The following ZNF91 variants were observed in gnomAD, a reference collection of about 807,000 sequenced individuals.
ZNF91 encodes zinc finger protein 91 (HPF7, HTF10).
A neutral mutation model predicts 12.6 loss-of-function variants in ZNF91; 7 were observed. That is an observed-to-expected ratio of 0.55 (90% confidence interval 0.31 to 1.04). ZNF91 has a LOEUF of 1.04. Among genes scored for constraint, ZNF91 ranks in the 50% least tolerant of loss-of-function variants. The pLI, the probability that ZNF91 is intolerant of heterozygous loss-of-function variation, is 0.05. For synonymous variants in ZNF91, 453 were observed against 462.6 expected, an observed-to-expected ratio of 0.98 and a Z score of 0.27; for missense variants, 1,217 against 1,385.4, an observed-to-expected ratio of 0.88 and a Z score of 1.93.
downstream of ZNF91, among the ~76,000 whole-genome samples, chr19:23,337,255 A>G (rs1284914384): frequency 6.6e-6 from 1 of 152,100 alleles, no homozygotes; most frequent in African/African-American, 2.4e-5. Context: ...CCTAAGAGAA[A>G]AGATGACCCC....
intron 3 of ZNF91, chr19:23,340,191 G>C (rs1172504973): frequency 6.6e-6 from 1 of 151,946 alleles, no homozygotes; most frequent in Non-Finnish European, 1.5e-5. Flanking sequence ...ATAAAAATCA[G>C]AACACAACCA....
intron 1 of ZNF91, among the ~76,000 whole-genome samples, chr19:23,381,400 A>G (rs546175791): frequency 6.6e-6 from 1 of 152,246 alleles, no homozygotes; most frequent in Non-Finnish European, 1.5e-5. Flanking sequence ...AATAAATAGA[A>G]ACAAAGGTAT....
Position 23,361,077 on chromosome 19 carries a change from T to C in ZNF91, c.1902A>G (p.Glu634=), listed in dbSNP as rs1968730434. 1 of 1,613,618 alleles carries C rather than the reference T, an allele frequency of 6.2e-7. No individual in the cohort carries two copies. Among genetic ancestry groups the C allele is most frequent in the South Asian group, 1.1e-5 (1 of 91,058 alleles). ...AAGAATGGCTAAAAGCTTTGCCACATTCTTCACATTTGTAGGGTTTCTCTC... is the reference window on the plus strand; with the variant it reads ...AAGAATGGCTAAAAGCTTTGCCACACTCTTCACATTTGTAGGGTTTCTCTC... ...HTGEKPYKCE[E]CGKAFSHSSA... is the part of the protein sequence containing the mutation. The change falls in exon 4 of 4, where the codon GAA becomes GAG. Residue 634 remains glutamate (E), a synonymous_variant. Transcript: ENST00000300619.
rs1207673608 is a variant in ZNF91, at chr19:23,358,138, T to C, written c.*1265A>G. 1 of 152,150 alleles carries C rather than the reference T, an allele frequency of 6.6e-6. No homozygotes were observed. Among genetic ancestry groups the C allele is most frequent in the Non-Finnish European group, 1.5e-5 (1 of 68,012 alleles). 9.4% of individuals were successfully genotyped at this position (152,150 alleles called of 1,614,324 possible). A position where few individuals can be genotyped will look rare whatever the true frequency, so the allele number is the denominator to read the frequency against. ...TTGAGTAAGGTGGAATAGGTTAAAG[T>C]TACTGGCATAATAACACTTCATTGA... On this transcript the variant is annotated 3_prime_UTR_variant, in exon 4 of 4. Transcript: ENST00000300619.
At chr19:23,332,286 CAGT>C (rs760294791) in intron 1 of ZNF91, among the ~76,000 whole-genome samples, 18 of 152,256 alleles carry the variant, frequency 1.2e-4, no homozygotes, top group Non-Finnish European at 2.2e-4. Context: ...ACCATGATGG[CAGT>C]AAGAGCAGAA....
intron 1 of ZNF91, chr19:23,380,653 A>T (rs1307740397): frequency 6.6e-6 from 1 of 152,208 alleles, no homozygotes; most frequent in Non-Finnish European, 1.5e-5. Flanking sequence ...TATAAGATTG[A>T]TCAAGTCAGC....
At chr19:23,369,451 C>A (rs1484607246) in intron 3 of ZNF91, among the ~76,000 whole-genome samples, 2 of 152,064 alleles carry the variant, frequency 1.3e-5, no homozygotes, top group East Asian at 3.9e-4. Flanking sequence ...GCCCGGCCGC[C>A]CCTTCTGGGA....
In ZNF91 at chr19:23,360,101, G is replaced by A. The variant is rs1315008207; in HGVS notation, c.2878C>T (p.His960Tyr). 1.2e-6 allele frequency: 2 copies of A among 1,613,446 alleles called. No homozygotes were observed. Among genetic ancestry groups the A allele is most frequent in the South Asian group, 2.2e-5 (2 of 91,078 alleles). Residue 960 changes from histidine to tyrosine, a missense_variant, in exon 4 of 4, where the codon CAT becomes TAT. Physicochemically the swap from His to Tyr is moderately conservative, Grantham distance 83. This residue lies in a region of ZNF91 where 491 missense variants were observed against 489.8 expected (regional missense o/e 1.00). Transcript: ENST00000300619. ...CATTTGTAGGGTTTCTCTCCAGTAT[G>A]AATTATCTTATGTGTAGTAAGGGTT... ...SSTLTTHKII[H>Y]TGEKPYKCEE...
At chr19:23,367,272 A>G (rs1201067519) in intron 3 of ZNF91, among the ~76,000 whole-genome samples, 3 of 152,260 alleles carry the variant, frequency 2.0e-5, no homozygotes, top group Non-Finnish European at 4.4e-5. Context: ...AGCCTGGGTG[A>G]CAGAGTAAGA....
At chr19:23,395,271 C>T (rs1218024694) in intron 1 of ZNF91, 54 bp downstream of exon 1, 4 of 1,601,760 alleles carry the variant, frequency 2.5e-6, no homozygotes, top group Non-Finnish European at 3.4e-6. Context: ...CGCATCCCAC[C>T]GGTTTCAACG....
downstream of ZNF91, among the ~76,000 whole-genome samples, chr19:23,337,678 TAA>T (rs1968041789): frequency 6.6e-6 from 1 of 151,852 alleles, no homozygotes; most frequent in South Asian, 2.1e-4. Context: ...TAAAATACTT[TAA>T]AAAGACTTCA....
At chr19:23,391,060 A>G (rs1476348297) in intron 1 of ZNF91, among the ~76,000 whole-genome samples, 2 of 152,232 alleles carry the variant, frequency 1.3e-5, no homozygotes, top group Non-Finnish European at 2.9e-5. Context: ...AATTGTTTTT[A>G]GTTCTGTGAG....
chr19:23,338,814 G>A (rs1461716395), exon 4 of ZNF91: 1 of 152,172 alleles, frequency 6.6e-6, no homozygotes, highest in Non-Finnish European at 1.5e-5. Flanking sequence ...AGCACTTTGG[G>A]AGGGTGAGGT....
In ZNF91 at chr19:23,361,129, A is replaced by C; in HGVS notation, c.1850T>G (p.Leu617Arg). Residue 617 changes from leucine (L) to arginine (R), a missense_variant, in exon 4 of 4, where the codon CTA (leucine) becomes CGA (arginine). This residue lies in a region of ZNF91 where 726 missense variants were observed against 895.5 expected (regional missense o/e 0.81). Coordinates refer to ENST00000300619, the MANE Select transcript of ZNF91 (RefSeq NM_003430.4). Reference protein sequence around the residue: ...CGKAFLWSSTLRRHKRIHTGE... With the variant: ...CGKAFLWSSTRRRHKRIHTGE... Reference sequence around the variant, plus strand: ...AGTGTGTATCCTCTTATGTCTTCTTAGGGTTGAGGACCATAGAAATGCTTT... The same window carrying C: ...AGTGTGTATCCTCTTATGTCTTCTTCGGGTTGAGGACCATAGAAATGCTTT... The C allele has an allele frequency of 6.2e-7, 1 of 1,613,750 alleles. No individual in the cohort carries two copies. The highest frequency in any genetic ancestry group is 8.5e-7 in the Non-Finnish European group (1 of 1,179,894).
rs116939435 is a variant in ZNF91 at position 23,390,669 on chromosome 19, T to C, written c.30+4656A>G. Among the ~76,000 whole-genome samples the C allele has an allele frequency of 8.3e-4, 126 of 152,320 alleles. No homozygotes were observed. In the East Asian group the frequency reaches 0.015, roughly 18 times the overall value. On this transcript the variant is annotated intron_variant, in intron 1 of 3. Coordinates refer to ENST00000300619, the MANE Select transcript of ZNF91 (RefSeq NM_003430.4). Reference sequence around the variant, plus strand: ...CATCGTGGTGGGCCAAGCAATACTCTTGTTCCTCAGCTGTCCAAGTAGCTC... The same window carrying C: ...CATCGTGGTGGGCCAAGCAATACTCCTGTTCCTCAGCTGTCCAAGTAGCTC...
intron 3 of ZNF91, among the ~76,000 whole-genome samples, chr19:23,340,320 T>C (rs1968095304): frequency 6.6e-6 from 1 of 151,976 alleles, no homozygotes; most frequent in African/African-American, 2.4e-5. Flanking sequence ...GAAATCTAAA[T>C]AAACAAATCA....
rs192313587 is a variant in ZNF91 at position 23,367,192 on chromosome 19, T to C, written c.254-4467A>G. ...TTGTAGTCCCAACTACTTGAGAGAC[T>C]TAGGTGGAAAGATAACTTGAGCCCA... On this transcript the variant is annotated intron_variant, in intron 3 of 3. Transcript: ENST00000300619. Among the ~76,000 whole-genome samples the C allele has an allele frequency of 2.3e-3, 345 of 152,276 alleles. 1 individual carries two copies. Among genetic ancestry groups the C allele is most frequent in the African/African-American group, 6.7e-3 (277 of 41,558 alleles).
intron 1 of ZNF91, among the ~76,000 whole-genome samples, chr19:23,392,661 G>A (rs1288101969): frequency 1.3e-5 from 2 of 151,930 alleles, no homozygotes; most frequent in African/African-American, 4.8e-5. Context: ...GAGTGGTGGT[G>A]CACGTCTGTA....
intron 1 of ZNF91, among the ~76,000 whole-genome samples, chr19:23,387,302 A>C (rs1599758591): frequency 1.3e-5 from 2 of 152,260 alleles, no homozygotes; most frequent in Admixed American, 1.3e-4. Context: ...TATATACCCA[A>C]AGAAATACAA....
Sources: gnomAD v4.1 joint callset for allele counts (sites outside exome capture counted in the v4.1 genomes callset) on GRCh38, gnomAD v4.1.1 for gene constraint, gnomAD v4.1.1 regional missense constraint, MANE v1.5 for transcripts, NCBI Gene and HGNC (gene_info 2026-07-23, HGNC 2026-07-21) for gene names.